Variants in NALF1 observed in about 807,000 individuals in gnomAD.
NALF1 encodes NALCN channel auxiliary factor 1.
NALF1 carries 3 observed loss-of-function variants against 48.4 expected under a neutral mutation model. That is an observed-to-expected ratio of 0.06 (90% CI 0.03 to 0.16). NALF1 has a LOEUF of 0.16. Ranked by LOEUF, NALF1 falls within the 10% of genes least tolerant of loss-of-function variation. The pLI, the probability that NALF1 is intolerant of heterozygous loss-of-function variation, is 1.00. For synonymous variants in NALF1, 262 were observed against 245.7 expected (o/e 1.07, Z -0.62); for missense variants, 526 against 571.5 (o/e 0.92, Z 0.81).
At chr13:107,616,328 T>G (rs1879378921) in intron 1 of NALF1, among the ~76,000 whole-genome samples, 1 of 152,240 alleles carries the variant, frequency 6.6e-6, no homozygotes. Flanking sequence ...CTATTCTTTG[T>G]GAGAACTTTC....
At chr13:107,636,860 T>C (rs1879990500) in intron 1 of NALF1, among the ~76,000 whole-genome samples, 1 of 148,634 alleles carries the variant, frequency 6.7e-6, no homozygotes, top group South Asian at 2.1e-4. Context: ...TGTTGTCTTC[T>C]TATGAGACTA....
chr13:107,446,758 C>A (rs2139031293), intron 1 of NALF1, among the ~76,000 whole-genome samples: 1 of 152,254 alleles, frequency 6.6e-6, no homozygotes, highest in Middle Eastern at 3.4e-3. Context: ...AAATTCTCAT[C>A]TTCCACATTG....
chr13:107,769,689 A>AT (rs1346073682), intron 1 of NALF1, among the ~76,000 whole-genome samples: 1 of 35,922 alleles, frequency 2.8e-5, no homozygotes, highest in African/African-American at 5.8e-5. Context: ...TTAAAGTATA[A>AT]TAAAAAAAAA....
intron 1 of NALF1, among the ~76,000 whole-genome samples, chr13:107,426,649 C>T (rs1428873529): frequency 6.6e-6 from 1 of 152,094 alleles, no homozygotes; most frequent in Non-Finnish European, 1.5e-5. Flanking sequence ...AATGTGGCCT[C>T]CATAAATTGC....
chr13:107,327,079 G>A (rs1164666067), intron 1 of NALF1, among the ~76,000 whole-genome samples: 1 of 152,336 alleles, frequency 6.6e-6, no homozygotes, highest in East Asian at 1.9e-4. Context: ...AGAGAACTGG[G>A]ACTTTCACTA....
At chr13:107,832,014 G>C (rs1879747890) in intron 1 of NALF1, among the ~76,000 whole-genome samples, 1 of 152,066 alleles carries the variant, frequency 6.6e-6, no homozygotes. Context: ...AAAGTCTAAT[G>C]ATTTCATGAA....
At chr13:107,741,614 T>C (rs1406963509) in intron 1 of NALF1, among the ~76,000 whole-genome samples, 1 of 152,184 alleles carries the variant, frequency 6.6e-6, no homozygotes, top group Non-Finnish European at 1.5e-5. Context: ...AGTTCATTTC[T>C]GAAACACTGC....
chr13:107,713,957 T>C (rs1015386589), intron 1 of NALF1, among the ~76,000 whole-genome samples: 21 of 152,120 alleles, frequency 1.4e-4, no homozygotes, highest in African/African-American at 4.6e-4. Flanking sequence ...AGAATGAAAA[T>C]AGATGAAGGA....
chr13:107,201,042 G>A (rs557697093), intron 2 of NALF1, among the ~76,000 whole-genome samples: 1 of 152,294 alleles, frequency 6.6e-6, no homozygotes, highest in East Asian at 1.9e-4. Context: ...CTGCAATGAA[G>A]AGATGGCGAC....
chr13:107,200,834 C>T (rs1436138429), intron 2 of NALF1, among the ~76,000 whole-genome samples: 4 of 152,110 alleles, frequency 2.6e-5, no homozygotes, highest in Non-Finnish European at 4.4e-5. Context: ...TTCAATATTT[C>T]GAAAGTATGT....
intron 1 of NALF1, among the ~76,000 whole-genome samples, chr13:107,638,882 T>C (rs1055512418): frequency 7.2e-5 from 11 of 151,958 alleles, no homozygotes; most frequent in Admixed American, 7.2e-4. Context: ...AGGTGATGAG[T>C]GGTGACTTCA....
At chr13:107,644,634 C>CATATATATATAT (rs1880255762) in intron 1 of NALF1, among the ~76,000 whole-genome samples, 2 of 52,446 alleles carry the variant, frequency 3.8e-5, no homozygotes, top group African/African-American at 1.1e-4. Flanking sequence ...TGTATACATA[C>CATATATATATAT]ATACATACAT....
chr13:107,536,839 T>A (rs1460331804), intron 1 of NALF1, among the ~76,000 whole-genome samples: 4 of 152,106 alleles, frequency 2.6e-5, no homozygotes, highest in Non-Finnish European at 1.5e-5. Flanking sequence ...CAAATGTCCA[T>A]CAGTGATAGA....
intron 1 of NALF1, among the ~76,000 whole-genome samples, chr13:107,306,775 G>C (rs2138898854): frequency 6.6e-6 from 1 of 152,236 alleles, no homozygotes; most frequent in African/African-American, 2.4e-5. Flanking sequence ...ACCCACCTGG[G>C]CAACGTGGTG....
intron 1 of NALF1, among the ~76,000 whole-genome samples, chr13:107,698,136 C>T (rs1043197372): frequency 6.6e-6 from 1 of 152,138 alleles, no homozygotes; most frequent in Non-Finnish European, 1.5e-5. Flanking sequence ...CAATTACTTG[C>T]TACTCCTTTC....
chr13:107,262,828 T>C (rs1476873910), intron 1 of NALF1, among the ~76,000 whole-genome samples: 1 of 150,288 alleles, frequency 6.7e-6, no homozygotes, highest in African/African-American at 2.5e-5. Flanking sequence ...TCATTGTACA[T>C]GGGGACCAAA....
At chr13:107,619,755 C>T (rs184367464) in intron 1 of NALF1, among the ~76,000 whole-genome samples, 49 of 152,184 alleles carry the variant, frequency 3.2e-4, no homozygotes, top group African/African-American at 1.1e-3. Flanking sequence ...GCACAACTAG[C>T]TAATAGCAGA....
At chr13:107,472,201 C>A (rs946998854) in intron 1 of NALF1, among the ~76,000 whole-genome samples, 1 of 152,064 alleles carries the variant, frequency 6.6e-6, no homozygotes, top group Non-Finnish European at 1.5e-5. Flanking sequence ...TAGTGGCGGG[C>A]ACCTGTAATC....
At chr13:107,355,891 T>G (rs1048019754) in intron 1 of NALF1, among the ~76,000 whole-genome samples, 2 of 152,186 alleles carry the variant, frequency 1.3e-5, no homozygotes, top group Non-Finnish European at 1.5e-5. Flanking sequence ...TTAAAGATTT[T>G]AATATGGTAG....
Sources: gnomAD v4.1 joint callset for allele counts (sites outside exome capture counted in the v4.1 genomes callset) on GRCh38, gnomAD v4.1.1 for gene constraint, MANE v1.5 for transcripts, NCBI Gene and HGNC (gene_info 2026-07-23, HGNC 2026-07-21) for gene names.